SNTG1: variants seen among roughly 807,000 people sequenced by gnomAD.
SNTG1 encodes the protein gamma-1-syntrophin.
SNTG1 carries 39 observed loss-of-function variants against 74.7 expected under a neutral mutation model. That is an observed-to-expected ratio of 0.52 (90% CI 0.40 to 0.68). SNTG1 has a LOEUF of 0.68. Ranked by LOEUF, SNTG1 falls within the 30% of genes least tolerant of loss-of-function variation. The probability of loss-of-function intolerance (pLI) is 0.00; values close to 1 mark genes in which losing one functional copy is unlikely to be tolerated. For missense variants in SNTG1, 685 were observed against 609.5 expected (o/e 1.12, Z -1.30); for synonymous variants, 254 against 217.1 (o/e 1.17, Z -1.49).
At chr8:50,421,683 A>C (rs994499495) in intron 4 of SNTG1, among the ~76,000 whole-genome samples, 1 of 152,094 alleles carries the variant, frequency 6.6e-6, no homozygotes, top group Non-Finnish European at 1.5e-5. Flanking sequence ...TCCTCTGACA[A>C]CACCAATAGT....
intron 2 of SNTG1, among the ~76,000 whole-genome samples, chr8:50,337,949 A>C (rs987549887): frequency 2.0e-5 from 3 of 152,090 alleles, no homozygotes; most frequent in Admixed American, 2.0e-4. Context: ...ATCCTAGCTA[A>C]CACGGTGAAA....
At chr8:50,181,446 C>T (rs556689372) in intron 2 of SNTG1, among the ~76,000 whole-genome samples, 1 of 152,312 alleles carries the variant, frequency 6.6e-6, no homozygotes, top group African/African-American at 2.4e-5. Context: ...TTAGCACGTG[C>T]ATCAGTCCTA....
chr8:50,175,724 G>T (rs2082975988), intron 2 of SNTG1, among the ~76,000 whole-genome samples: 1 of 152,136 alleles, frequency 6.6e-6, no homozygotes, highest in South Asian at 2.1e-4. Context: ...GAAAATAATG[G>T]AAATTCACTT....
At chr8:50,595,425 G>T (rs2094720831) in intron 13 of SNTG1, among the ~76,000 whole-genome samples, 1 of 152,008 alleles carries the variant, frequency 6.6e-6, no homozygotes, top group African/African-American at 2.4e-5. Flanking sequence ...GTTATTTTAA[G>T]TTAAACTAAA....
intron 2 of SNTG1, among the ~76,000 whole-genome samples, chr8:50,370,642 C>G (rs2092245858): frequency 6.6e-6 from 1 of 152,108 alleles, no homozygotes. Flanking sequence ...AATGGCCTCC[C>G]CAAAGGCAGT....
chr8:50,778,688 G>A (rs1207201539), intron 18 of SNTG1, among the ~76,000 whole-genome samples: 13 of 140,752 alleles, frequency 9.2e-5, no homozygotes, highest in South Asian at 2.2e-4. Context: ...CTTTTGCTGT[G>A]CAGAAGCTCT....
At chr8:50,408,357 A>G (rs2092906213) in intron 4 of SNTG1, among the ~76,000 whole-genome samples, 1 of 152,200 alleles carries the variant, frequency 6.6e-6, no homozygotes, top group South Asian at 2.1e-4. Context: ...CACAGAAATA[A>G]GCAAAGGTAG....
intron 1 of SNTG1, among the ~76,000 whole-genome samples, chr8:50,145,350 G>A (rs1207938826): frequency 6.6e-6 from 1 of 152,062 alleles, no homozygotes; most frequent in South Asian, 2.1e-4. Flanking sequence ...AGTTTTATTT[G>A]CTTGCTTCTT....
intron 1 of SNTG1, among the ~76,000 whole-genome samples, chr8:50,132,834 G>T (rs1053170944): frequency 6.6e-6 from 1 of 152,092 alleles, no homozygotes; most frequent in Non-Finnish European, 1.5e-5. Context: ...CAAGCCATAA[G>T]ACAAGAATTG....
chr8:50,709,702 T>G (rs2095456290), intron 17 of SNTG1, among the ~76,000 whole-genome samples: 1 of 152,208 alleles, frequency 6.6e-6, no homozygotes, highest in Admixed American at 6.5e-5. Flanking sequence ...CCCATTCAAC[T>G]GCTAATCTCC....
At chr8:50,731,332 C>T (rs1190110387) in intron 17 of SNTG1, among the ~76,000 whole-genome samples, 1 of 152,052 alleles carries the variant, frequency 6.6e-6, no homozygotes, top group Non-Finnish European at 1.5e-5. Context: ...ACTGATTATC[C>T]TAGAGTGCAT....
At chr8:50,460,341 T>C (rs1186615707) in intron 8 of SNTG1, among the ~76,000 whole-genome samples, 1 of 152,228 alleles carries the variant, frequency 6.6e-6, no homozygotes, top group African/African-American at 2.4e-5. Flanking sequence ...ATTTGTTTTT[T>C]GCTTGTTCTA....
chr8:49,923,618 A>G (rs1033349463), intron 1 of SNTG1, among the ~76,000 whole-genome samples: 1 of 152,150 alleles, frequency 6.6e-6, no homozygotes, highest in Non-Finnish European at 1.5e-5. Flanking sequence ...TAAATACATG[A>G]AAGTTTTGAG....
At chr8:49,961,815 GAGA>G (rs1312537966) in intron 1 of SNTG1, among the ~76,000 whole-genome samples, 1 of 152,130 alleles carries the variant, frequency 6.6e-6, no homozygotes, top group African/African-American at 2.4e-5. Flanking sequence ...TTTTCTAATG[GAGA>G]AGGACACAGA....
rs546840567 is a variant in SNTG1 at position 50,018,673 on chromosome 8, C to A, written c.-103+106442C>A. On this transcript the variant is annotated intron_variant, in intron 1 of 18. Coordinates refer to ENST00000642720, the MANE Select transcript of SNTG1 (RefSeq NM_018967.5). ...ATTATCAAATTAAAAACTTGTGTAT[C>A]AAAGAGCACCAAGAAAGTGAGAAAA... Among the ~76,000 whole-genome samples the A allele has an allele frequency of 1.3e-5, 2 of 151,896 alleles. 1 individual carries two copies. Among genetic ancestry groups the A allele is most frequent in the South Asian group, 4.2e-4 (2 of 4,808 alleles).
chr8:50,378,106 T>C (rs2092420429), intron 2 of SNTG1, among the ~76,000 whole-genome samples: 2 of 152,176 alleles, frequency 1.3e-5, no homozygotes, highest in Admixed American at 6.5e-5. Flanking sequence ...AAGTCATGCA[T>C]GAAGTGGCAA....
intron 15 of SNTG1, among the ~76,000 whole-genome samples, chr8:50,671,795 A>C (rs2095284436): frequency 6.6e-6 from 1 of 152,068 alleles, no homozygotes; most frequent in Non-Finnish European, 1.5e-5. Context: ...GAACCAAGCC[A>C]AATGTGCAAC....
At position 50,788,467 on chromosome 8, in the gene SNTG1, T is replaced by A. The variant is rs2095682095; in HGVS notation, c.1396-4204T>A. Among the ~76,000 whole-genome samples, 3 of 151,982 alleles carry A rather than the reference T, an allele frequency of 2.0e-5. No homozygotes were observed. In the South Asian group the frequency reaches 6.2e-4, roughly 31 times the overall value. On this transcript the variant is annotated intron_variant, in intron 18 of 18. Coordinates refer to ENST00000642720, the MANE Select transcript of SNTG1 (RefSeq NM_018967.5). ...ATGATGACTTAGTTGGCTCTCAATT[T>A]TGTTCAGAGGACTCAAGAGTTATTG... is the stretch of plus-strand genomic sequence containing the variant.
At chr8:50,464,891 C>T (rs2093596094) in intron 8 of SNTG1, among the ~76,000 whole-genome samples, 1 of 144,462 alleles carries the variant, frequency 6.9e-6, no homozygotes, top group Admixed American at 6.9e-5. Context: ...CTGAAAAAGT[C>T]AAAATATTGT....
Sources: gnomAD v4.1 joint callset for allele counts (sites outside exome capture counted in the v4.1 genomes callset) on GRCh38, gnomAD v4.1.1 for gene constraint, MANE v1.5 for transcripts, NCBI Gene and HGNC (gene_info 2026-07-23, HGNC 2026-07-21) for gene names.